Variants in CDH2 observed in about 807,000 individuals in gnomAD.
CDH2 encodes cadherin-2.
CDH2 carries 17 observed loss-of-function variants against 92.0 expected under a neutral mutation model. That is an observed-to-expected ratio of 0.18 (90% CI 0.13 to 0.28). The LOEUF is 0.28. Ranked by LOEUF, CDH2 falls within the 10% of genes least tolerant of loss-of-function variation. CDH2 has a pLI of 1.00. For synonymous variants in CDH2, 419 were observed against 415.9 expected (o/e 1.01, Z -0.09); for missense variants, 862 against 1,133.1 (o/e 0.76, Z 3.44).
At chr18:27,935,145 A>T (rs772319283) in intron 6 of CDH2, among the ~76,000 whole-genome samples, 10 of 152,088 alleles carry the variant, frequency 6.6e-5, no homozygotes, top group Non-Finnish European at 1.5e-4. Flanking sequence ...AAGTATTGCC[A>T]TGTGTATTAG....
In CDH2 at chr18:28,098,775, G is replaced by A. The variant is rs1599099413; in HGVS notation, c.172+48898C>T. ...CTGAGGACTGAAATAGTAAGGCAGAGAATCTACTTGTTCATTCTCAGGTGG... is the reference window on the plus strand; with the variant it reads ...CTGAGGACTGAAATAGTAAGGCAGAAAATCTACTTGTTCATTCTCAGGTGG... On this transcript the variant is annotated intron_variant, in intron 2 of 15. Transcript: ENST00000269141. Among the ~76,000 whole-genome samples the A allele has an allele frequency of 2.6e-5, 4 of 152,236 alleles. No homozygotes were observed. In the South Asian group the frequency reaches 8.3e-4, roughly 32 times the overall value.
chr18:28,077,665 C>T (rs1446943965), intron 2 of CDH2, among the ~76,000 whole-genome samples: 5 of 151,766 alleles, frequency 3.3e-5, no homozygotes, highest in African/African-American at 9.7e-5. Flanking sequence ...CTGAGGCAGG[C>T]GGAACACTTG....
intron 7 of CDH2, among the ~76,000 whole-genome samples, chr18:27,999,066 G>C (rs1290393528): frequency 6.6e-6 from 1 of 152,222 alleles, no homozygotes; most frequent in African/African-American, 2.4e-5. Flanking sequence ...TACTGTGGGT[G>C]ATCAGAGAAG....
chr18:27,979,932 A>G (rs1478041123), intron 14 of CDH2, among the ~76,000 whole-genome samples: 1 of 152,216 alleles, frequency 6.6e-6, no homozygotes, highest in Non-Finnish European at 1.5e-5. Flanking sequence ...GGATAAAGTC[A>G]TGAGACCATT....
chr18:28,099,038 G>C (rs1415034506), intron 2 of CDH2, among the ~76,000 whole-genome samples: 1 of 152,078 alleles, frequency 6.6e-6, no homozygotes, highest in East Asian at 1.9e-4. Context: ...AAGTAAGTGT[G>C]TTACAGGTAA....
rs571683955 is a variant in CDH2 at position 28,042,236 on chromosome 18, T to C, written c.173-28327A>G. 7.9e-5 allele frequency among the ~76,000 whole-genome samples: 12 copies of C among 152,346 alleles called. No homozygotes were observed. In the South Asian group the frequency reaches 2.5e-3, roughly 32 times the overall value. ...TTGCTTATTCATAGACAAGTTTTTCTACTTTTAAAATACCCAATAAGATAG... is the reference window on the plus strand; with the variant it reads ...TTGCTTATTCATAGACAAGTTTTTCCACTTTTAAAATACCCAATAAGATAG... On this transcript the variant is annotated intron_variant, in intron 2 of 15. Coordinates refer to ENST00000269141, the MANE Select transcript of CDH2 (RefSeq NM_001792.5).
chr18:27,956,719 T>C (rs2011254448), intron 15 of CDH2, among the ~76,000 whole-genome samples: 2 of 152,186 alleles, frequency 1.3e-5, no homozygotes, highest in South Asian at 4.1e-4. Context: ...CTATGACTCC[T>C]TCCAAATGAA....
chr18:28,045,248 T>C (rs2014050766), intron 2 of CDH2, among the ~76,000 whole-genome samples: 1 of 152,158 alleles, frequency 6.6e-6, no homozygotes, highest in Admixed American at 6.5e-5. Flanking sequence ...CTAAACCTCT[T>C]ATGAGGCCTC....
chr18:28,019,965 T>C (rs2013363213), intron 2 of CDH2, among the ~76,000 whole-genome samples: 1 of 152,140 alleles, frequency 6.6e-6, no homozygotes, highest in Non-Finnish European at 1.5e-5. Context: ...GAGCAATCCA[T>C]GTATGGTACC....
intron 2 of CDH2, among the ~76,000 whole-genome samples, chr18:28,128,128 ATG>A (rs2015707201): frequency 6.6e-6 from 1 of 152,226 alleles, no homozygotes; most frequent in South Asian, 2.1e-4. Flanking sequence ...AATGGAGTCT[ATG>A]GTAACTCATG....
intron 2 of CDH2, among the ~76,000 whole-genome samples, chr18:28,064,628 A>T (rs755582115): frequency 6.6e-6 from 1 of 150,440 alleles, no homozygotes; most frequent in Non-Finnish European, 1.5e-5. Flanking sequence ...CCCAGTTCTG[A>T]GGTGGTTTAA....
chr18:28,144,219 A>G lies in CDH2; in HGVS notation c.172+3454T>C, dbSNP rs1276247452. On this transcript the variant is annotated intron_variant, in intron 2 of 15. Transcript: ENST00000269141. The stretch of plus-strand genomic sequence containing the variant: ...GAAAAGCCTATGATCTCTGAGCTCT[A>G]ATTTGCTTATTTTTAAAATGAAGAG... 2.0e-5 allele frequency among the ~76,000 whole-genome samples: 3 copies of G among 152,094 alleles called. No individual in the cohort carries two copies. In the South Asian group the frequency reaches 6.2e-4, roughly 32 times the overall value.
downstream of CDH2, among the ~76,000 whole-genome samples, chr18:27,948,983 C>T (rs1228530344): frequency 6.6e-6 from 1 of 151,898 alleles, no homozygotes; most frequent in African/African-American, 2.4e-5. Flanking sequence ...ATCCAAATTA[C>T]CAGGAATGGC....
rs766665104 is a variant in CDH2, at chr18:27,934,227, G to A, written c.1152-1103C>T. Among the ~76,000 whole-genome samples the A allele has an allele frequency of 1.1e-4, 16 of 152,154 alleles. No homozygotes were observed. In the South Asian group the frequency reaches 2.7e-3, roughly 26 times the overall value. ...GTCTGTTTTCCTTCCTGGTTCTGTC[G>A]GCTTCCATTTTAGGTCGTTTATGCT... On this transcript the variant is annotated intron_variant, in intron 6 of 6. Coordinates refer to the CDH2 transcript ENST00000675173.
At chr18:27,984,900 G>T in intron 13 of CDH2, 100 bp downstream of exon 13, 1 of 841,054 alleles carries the variant, frequency 1.2e-6, no homozygotes, top group Non-Finnish European at 1.9e-6. Flanking sequence ...AAGGTCAAAG[G>T]GTTGTTAGAC....
chr18:28,057,921 T>C (rs2144139787), intron 2 of CDH2, among the ~76,000 whole-genome samples: 1 of 152,206 alleles, frequency 6.6e-6, no homozygotes, highest in South Asian at 2.1e-4. Context: ...GAAAAAATAA[T>C]ACAAGTCATG....
chr18:28,050,468 T>A (rs1415099127), intron 2 of CDH2, among the ~76,000 whole-genome samples: 4 of 151,954 alleles, frequency 2.6e-5, no homozygotes, highest in Admixed American at 2.0e-4. Flanking sequence ...TTAAAAAAAA[T>A]TCCTGTAATG....
intron 6 of CDH2, among the ~76,000 whole-genome samples, chr18:27,944,186 T>A (rs1037038883): frequency 6.6e-6 from 1 of 152,194 alleles, no homozygotes; most frequent in Admixed American, 6.5e-5. Context: ...CAGCAAACTC[T>A]AAAATTTCAA....
chr18:27,967,502 A>C (rs1385570999), intron 14 of CDH2, among the ~76,000 whole-genome samples: 1 of 152,212 alleles, frequency 6.6e-6, no homozygotes, highest in Non-Finnish European at 1.5e-5. Context: ...GATTATAAAC[A>C]ATCCAAAAAG....
Sources: allele counts gnomAD v4.1 joint callset (sites outside exome capture counted in the v4.1 genomes callset), GRCh38; gene constraint gnomAD v4.1.1; transcripts MANE v1.5; gene names NCBI Gene and HGNC (gene_info 2026-07-23, HGNC 2026-07-21).